TMEM232: variants seen among roughly 807,000 people sequenced by gnomAD.
TMEM232 encodes transmembrane protein 232.
In TMEM232, 80 loss-of-function variants were observed where a neutral mutation model predicts 78.8. The ratio of observed to expected loss-of-function variants is 1.01; its 90% CI spans 0.85 to 1.22. TMEM232 has a LOEUF of 1.22. Ranked by LOEUF, TMEM232 falls within the 50% of genes most tolerant of loss-of-function variation. The pLI is 0.00. For synonymous variants in TMEM232, 297 were observed against 254.3 expected (o/e 1.17, Z -1.60); for missense variants, 881 against 742.2 (o/e 1.19, Z -2.17).
chr5:110,714,105 G>C (rs1221145927), intron 1 of TMEM232, among the ~76,000 whole-genome samples: 1 of 152,112 alleles, frequency 6.6e-6, no homozygotes, highest in Non-Finnish European at 1.5e-5. Context: ...ATGGACTCTT[G>C]GGTCTCCTTT....
chr5:110,443,862 G>C (rs758624044), intron 12 of TMEM232, among the ~76,000 whole-genome samples: 1 of 152,202 alleles, frequency 6.6e-6, no homozygotes, highest in Non-Finnish European at 1.5e-5. Context: ...GGCCAAGGAT[G>C]TGTGTAGAAA....
intron 12 of TMEM232, among the ~76,000 whole-genome samples, chr5:110,443,450 A>G (rs761045313): frequency 1.3e-5 from 2 of 152,036 alleles, no homozygotes; most frequent in Non-Finnish European, 2.9e-5. Context: ...GTGGTGAATT[A>G]TCCCACGCCT....
chr5:110,532,453 A>G (rs189441857), intron 11 of TMEM232, among the ~76,000 whole-genome samples: 1,726 of 151,326 alleles, frequency 0.011, 21 homozygotes, highest in African/African-American at 0.032. Flanking sequence ...TTCTTTTCAA[A>G]GGCCTGTTTC....
chr5:110,598,136 C>T (rs201161195), intron 10 of TMEM232, among the ~76,000 whole-genome samples: 3 of 151,898 alleles, frequency 2.0e-5, no homozygotes, highest in Non-Finnish European at 4.4e-5. Flanking sequence ...CTAATATCCA[C>T]AATCTACAAT....
At chr5:110,570,425 C>A (rs1321276844) in intron 10 of TMEM232, among the ~76,000 whole-genome samples, 1 of 151,800 alleles carries the variant, frequency 6.6e-6, no homozygotes, top group Non-Finnish European at 1.5e-5. Context: ...ATTGGCAAGT[C>A]TGGGACATGA....
chr5:110,516,439 T>C (rs755437629), intron 12 of TMEM232, among the ~76,000 whole-genome samples: 15 of 152,176 alleles, frequency 9.9e-5, no homozygotes, highest in Non-Finnish European at 1.9e-4. Flanking sequence ...TTTTAAAATT[T>C]GATCTTCATA....
chr5:110,672,971 GT>G lies in TMEM232; in HGVS notation c.-12-5608del, dbSNP rs549407056. Among the ~76,000 whole-genome samples the G allele has an allele frequency of 6.7e-3, 1,018 of 152,214 alleles. 16 individuals carry two copies. Among genetic ancestry groups the G allele is most frequent in the African/African-American group, 0.024 (989 of 41,520 alleles). On this transcript the variant is annotated intron_variant, in intron 1 of 13. Coordinates refer to ENST00000455884, the MANE Select transcript of TMEM232 (RefSeq NM_001039763.4). ...TTACTGGGTATATACCCAAAGGATT[GT>G]AAATCATGCTGCTATAAAGAGACAT...
intron 2 of TMEM232, among the ~76,000 whole-genome samples, chr5:110,398,213 T>C (rs1275422215): frequency 6.6e-6 from 1 of 152,110 alleles, no homozygotes; most frequent in Non-Finnish European, 1.5e-5. Context: ...TACAAATCTG[T>C]GGAGAACGAA....
At chr5:110,690,432 T>A (rs1793976435) in intron 1 of TMEM232, among the ~76,000 whole-genome samples, 1 of 152,294 alleles carries the variant, frequency 6.6e-6, no homozygotes. Flanking sequence ...AGATACCATA[T>A]CATACCACTT....
chr5:110,664,344 A>AT (rs1195734333), intron 2 of TMEM232, among the ~76,000 whole-genome samples: 2 of 152,212 alleles, frequency 1.3e-5, no homozygotes, highest in African/African-American at 4.8e-5. Flanking sequence ...TGTAGCATTG[A>AT]TTTTTTAAAA....
chr5:110,672,875 A>G (rs1360694960), intron 1 of TMEM232, among the ~76,000 whole-genome samples: 2 of 152,124 alleles, frequency 1.3e-5, no homozygotes, highest in Non-Finnish European at 2.9e-5. Flanking sequence ...ACCACATTGC[A>G]TTGTGCATTA....
chr5:110,436,084 A>G (rs1210532217), intron 12 of TMEM232, among the ~76,000 whole-genome samples: 1 of 151,958 alleles, frequency 6.6e-6, no homozygotes, highest in African/African-American at 2.4e-5. Context: ...AATACTTGCA[A>G]GGGATCCCTT....
chr5:110,610,218 G>GGAAGGGAA (rs1379002257), intron 8 of TMEM232, among the ~76,000 whole-genome samples: 1 of 146,580 alleles, frequency 6.8e-6, no homozygotes, highest in African/African-American at 2.6e-5. Context: ...AAGGAAGGAA[G>GGAAGGGAA]GGAGGGAGGG....
chr5:110,725,544 C>T (rs748205242), intron 1 of TMEM232: 3 of 152,106 alleles, frequency 2.0e-5, no homozygotes, highest in African/African-American at 7.2e-5. Flanking sequence ...TCATTAAGAT[C>T]ATAAGGGTCC....
At chr5:110,666,272 C>T (rs1048935860) in intron 2 of TMEM232, among the ~76,000 whole-genome samples, 11 of 152,120 alleles carry the variant, frequency 7.2e-5, no homozygotes, top group East Asian at 1.9e-4. Flanking sequence ...TTGTCATATC[C>T]ACAATACACA....
chr5:110,602,358 C>T (rs1466849801), intron 10 of TMEM232, among the ~76,000 whole-genome samples: 1 of 151,982 alleles, frequency 6.6e-6, no homozygotes, highest in Non-Finnish European at 1.5e-5. Context: ...AGTGAACAGG[C>T]AACCTACAGA....
chr5:110,635,422 TC>T (rs1026498199), intron 5 of TMEM232, among the ~76,000 whole-genome samples: 11 of 151,638 alleles, frequency 7.3e-5, no homozygotes, highest in Admixed American at 3.3e-4. Context: ...GCACATAGAC[TC>T]CAAAAACCTC....
At chr5:110,559,625 G>A (rs1278107905) in intron 11 of TMEM232, among the ~76,000 whole-genome samples, 2 of 152,142 alleles carry the variant, frequency 1.3e-5, no homozygotes, top group African/African-American at 4.8e-5. Flanking sequence ...TACAATGAAA[G>A]CTATTATACA....
intron 13 of TMEM232, among the ~76,000 whole-genome samples, chr5:110,422,160 TATA>T (rs1277321806): frequency 1.3e-5 from 2 of 152,176 alleles, no homozygotes; most frequent in Non-Finnish European, 2.9e-5. Flanking sequence ...TTATAGTTGG[TATA>T]ATAATGACAG....
Sources: gnomAD v4.1 joint callset for allele counts (sites outside exome capture counted in the v4.1 genomes callset) on GRCh38, gnomAD v4.1.1 for gene constraint, MANE v1.5 for transcripts, NCBI Gene and HGNC (gene_info 2026-07-23, HGNC 2026-07-21) for gene names.